FHIT: variants seen among roughly 807,000 people sequenced by gnomAD.
The protein encoded by FHIT is fragile histidine triad diadenosine triphosphatase.
In FHIT, 19 loss-of-function variants were observed where a neutral mutation model predicts 17.9. The observed-to-expected ratio is 1.06, with a 90% CI of 0.74 to 1.56. The LOEUF is 1.56. Among genes scored for constraint, FHIT ranks in the 40% most tolerant of loss-of-function variants. The pLI is 0.00. For missense variants in FHIT, 248 were observed against 189.2 expected, an observed-to-expected ratio of 1.31 and a Z score of -1.82; for synonymous variants, 81 against 69.7, an observed-to-expected ratio of 1.16 and a Z score of -0.81.
At chr3:59,920,419 CAT>C (rs1705345168) in intron 8 of FHIT, among the ~76,000 whole-genome samples, 1 of 152,110 alleles carries the variant, frequency 6.6e-6, no homozygotes, top group East Asian at 1.9e-4. Flanking sequence ...GAAGTAGAAA[CAT>C]GTGTTTTCTT....
intron 4 of FHIT, among the ~76,000 whole-genome samples, chr3:60,773,933 A>T (rs1700130731): frequency 6.6e-6 from 1 of 152,184 alleles, no homozygotes; most frequent in Non-Finnish European, 1.5e-5. Flanking sequence ...TTCTCAACTC[A>T]TTTCTTCTAT....
chr3:60,068,090 G>A (rs1702599000), intron 5 of FHIT, among the ~76,000 whole-genome samples: 1 of 152,094 alleles, frequency 6.6e-6, no homozygotes, highest in South Asian at 2.1e-4. Context: ...ACAAAAATTA[G>A]CCAAGTGTGA....
At chr3:60,417,798 G>A (rs1010573632) in intron 5 of FHIT, among the ~76,000 whole-genome samples, 1 of 152,118 alleles carries the variant, frequency 6.6e-6, no homozygotes, top group Non-Finnish European at 1.5e-5. Flanking sequence ...TGTGATTAAC[G>A]GCCCTGGCTA....
intron 7 of FHIT, among the ~76,000 whole-genome samples, chr3:59,963,457 T>C (rs1387859490): frequency 6.6e-6 from 1 of 151,564 alleles, no homozygotes; most frequent in Non-Finnish European, 1.5e-5. Flanking sequence ...TTTTGTTACA[T>C]GAGAGAGAGA....
intron 5 of FHIT, among the ~76,000 whole-genome samples, chr3:60,067,322 TTGAATGAATGAATGAATGAA>T (rs4024132): frequency 6.6e-6 from 1 of 151,262 alleles, no homozygotes; most frequent in South Asian, 2.1e-4. Context: ...CAAATATGTA[TTGAATGAATGAATGAATGAA>T]TGAATGAATG....
At chr3:59,905,274 T>C (rs1301730645) in intron 8 of FHIT, among the ~76,000 whole-genome samples, 1 of 152,186 alleles carries the variant, frequency 6.6e-6, no homozygotes, top group Non-Finnish European at 1.5e-5. Context: ...TTGATAGAAC[T>C]AGAGAATGAC....
At chr3:61,100,523 A>G (rs6808123) in intron 2 of FHIT, among the ~76,000 whole-genome samples, 105,815 of 152,136 alleles carry the variant, frequency 0.7, 38,030 homozygotes, top group African/African-American at 0.8. Context: ...ATACACATAC[A>G]TGTGCATATG....
At chr3:60,003,910 A>G (rs536982246) in intron 7 of FHIT, among the ~76,000 whole-genome samples, 2 of 148,904 alleles carry the variant, frequency 1.3e-5, no homozygotes, top group Non-Finnish European at 3.0e-5. Context: ...AAGTATTTGG[A>G]TATCACAGGT....
chr3:59,857,862 G>C (rs1379637502), intron 8 of FHIT, among the ~76,000 whole-genome samples: 1 of 152,118 alleles, frequency 6.6e-6, no homozygotes, highest in Non-Finnish European at 1.5e-5. Context: ...CTCTGATAGA[G>C]AGAAACCAGG....
intron 4 of FHIT, among the ~76,000 whole-genome samples, chr3:60,568,066 T>A (rs536353931): frequency 3.9e-5 from 6 of 152,102 alleles, no homozygotes; most frequent in South Asian, 2.1e-4. Context: ...TCAGGGATCT[T>A]GAACTAGAAA....
At chr3:60,008,469 C>G (rs1177580767) in intron 7 of FHIT, among the ~76,000 whole-genome samples, 1 of 151,944 alleles carries the variant, frequency 6.6e-6, no homozygotes, top group Non-Finnish European at 1.5e-5. Flanking sequence ...AATTTAAAGC[C>G]CCTGAAACAA....
Position 60,029,091 on chromosome 3 carries a change from A to C in FHIT, c.104-14939T>G, listed in dbSNP as rs2106773715. 1.3e-5 allele frequency among the ~76,000 whole-genome samples: 2 copies of C among 152,350 alleles called. 1 individual carries two copies. The highest frequency in any genetic ancestry group is 4.1e-4 in the South Asian group (2 of 4,830). The stretch of plus-strand genomic sequence containing the variant: ...CAATTCTTAGTGTTTCTAATGTTTT[A>C]AATTACAGTGTACTAAATTAGTATT... On this transcript the variant is annotated intron_variant, in intron 5 of 9. Coordinates refer to ENST00000492590, the MANE Select transcript of FHIT (RefSeq NM_002012.4).
intron 4 of FHIT, among the ~76,000 whole-genome samples, chr3:60,760,417 A>T (rs1553719461): frequency 1.3e-5 from 2 of 152,182 alleles, no homozygotes. Flanking sequence ...GAGAGAAGCT[A>T]TTGGAGATCT....
intron 3 of FHIT, among the ~76,000 whole-genome samples, chr3:61,023,913 C>T (rs1021394174): frequency 6.6e-6 from 1 of 152,168 alleles, no homozygotes; most frequent in East Asian, 1.9e-4. Flanking sequence ...AAAACCTAGG[C>T]AATACCATTC....
In FHIT at chr3:60,505,657, A is replaced by C. The variant is rs528508821; in HGVS notation, c.103+31203T>G. On this transcript the variant is annotated intron_variant, in intron 5 of 9. Transcript: ENST00000492590. Reference sequence around the variant, plus strand: ...GATAATCAGACTATGAATTGGGAATACATATTATTTGGGCTCTGTTTTTGA... The same window carrying C: ...GATAATCAGACTATGAATTGGGAATCCATATTATTTGGGCTCTGTTTTTGA... Among the ~76,000 whole-genome samples the C allele has an allele frequency of 1.2e-3, 190 of 152,292 alleles. 1 individual carries two copies. The highest frequency in any genetic ancestry group is 4.2e-3 in the African/African-American group (175 of 41,572).
rs1164559992 is a variant in FHIT at position 59,752,334 on chromosome 3, A to G, written c.349-13T>C. ...CATGTTTCTGGAGCTTTGGAGAAAA[A>G]AAAAGGAAGAGGCTCTTTCATGGGC... On this transcript the variant is annotated splice_polypyrimidine_tract_variant and intron_variant, in intron 8 of 9. Coordinates refer to ENST00000492590, the MANE Select transcript of FHIT (RefSeq NM_002012.4). 1 of 1,604,584 alleles carries G rather than the reference A, an allele frequency of 6.2e-7. No individual in the cohort carries two copies. Among genetic ancestry groups the G allele is most frequent in the South Asian group, 1.1e-5 (1 of 90,590 alleles).
At chr3:60,531,091 T>C (rs987777700) in intron 5 of FHIT, among the ~76,000 whole-genome samples, 1 of 152,314 alleles carries the variant, frequency 6.6e-6, no homozygotes, top group Non-Finnish European at 1.5e-5. Flanking sequence ...GACAGCAATA[T>C]TGTCTTTGAA....
chr3:59,883,412 G>A (rs919711502), intron 8 of FHIT, among the ~76,000 whole-genome samples: 1 of 152,198 alleles, frequency 6.6e-6, no homozygotes, highest in Non-Finnish European at 1.5e-5. Context: ...AAGGTGAAAG[G>A]CATGTTTTAT....
intron 5 of FHIT, among the ~76,000 whole-genome samples, chr3:60,165,195 G>T (rs1156676450): frequency 6.6e-6 from 1 of 152,172 alleles, no homozygotes; most frequent in Non-Finnish European, 1.5e-5. Context: ...CAGGGAAGCT[G>T]CTGATGCTAC....
Sources: allele counts gnomAD v4.1 joint callset (sites outside exome capture counted in the v4.1 genomes callset), GRCh38; gene constraint gnomAD v4.1.1; transcripts MANE v1.5; gene names NCBI Gene and HGNC (gene_info 2026-07-23, HGNC 2026-07-21).